LONRF1: variants seen among roughly 807,000 people sequenced by gnomAD.
LONRF1 encodes LON peptidase N-terminal domain and RING finger protein 1.
LONRF1 carries 37 observed loss-of-function variants against 85.8 expected under a neutral mutation model. The ratio of observed to expected loss-of-function variants is 0.43; its 90% CI spans 0.33 to 0.57. The LOEUF is 0.57. Among genes scored for constraint, LONRF1 ranks in the 20% least tolerant of loss-of-function variants. The pLI, the probability that LONRF1 is intolerant of heterozygous loss-of-function variation, is 0.04. For synonymous variants in LONRF1, 517 were observed against 390.1 expected (o/e 1.33, Z -3.83); for missense variants, 1,036 against 978.0 (o/e 1.06, Z -0.79).
At chr8:12,742,557 T>C (rs1206286062) in intron 2 of LONRF1, among the ~76,000 whole-genome samples, 1 of 152,182 alleles carries the variant, frequency 6.6e-6, no homozygotes, top group African/African-American at 2.4e-5. Flanking sequence ...ATAAATCTCA[T>C]TCAATGAAGT....
At chr8:12,744,240 T>A (rs1336559235) in intron 1 of LONRF1, among the ~76,000 whole-genome samples, 2 of 152,224 alleles carry the variant, frequency 1.3e-5, no homozygotes, top group Non-Finnish European at 2.9e-5. Context: ...AGTTTTTAGA[T>A]GATTGCTTTT....
chr8:12,740,805 A>G lies in LONRF1; in HGVS notation c.963+69T>C, dbSNP rs547768011. 1.4e-5 allele frequency: 21 copies of G among 1,528,990 alleles called. No homozygotes were observed. The African/African-American group carries it at 1.7e-4, about 12-fold the overall frequency. The allele number at this position is 1,528,990 out of a possible 1,614,324, so 94.7% of individuals were successfully genotyped here. On this transcript the variant is annotated intron_variant, in intron 3 of 11. Transcript: ENST00000398246. ...TTATGTTCTTATTCCAACTTTTATT[A>G]GCTTTTTTTTTTAAACCTGTCTGCC...
At chr8:12,748,222 A>G (rs1799241863) in intron 1 of LONRF1, among the ~76,000 whole-genome samples, 1 of 152,172 alleles carries the variant, frequency 6.6e-6, no homozygotes, top group African/African-American at 2.4e-5. Context: ...ATTTGAGAAA[A>G]GATCTAAGAT....
chr8:12,739,470 A>T (rs1426357061), intron 3 of LONRF1, among the ~76,000 whole-genome samples: 1 of 152,068 alleles, frequency 6.6e-6, no homozygotes, highest in African/African-American at 2.4e-5. Flanking sequence ...TGCCTCTAGG[A>T]GCAGGGGATG....
chr8:12,738,218 A>C, intron 3 of LONRF1, 74 bp from the exon 4 acceptor site: 1 of 998,624 alleles, frequency 1.0e-6, no homozygotes. Context: ...AAATTTACCT[A>C]ATAAAGAATA....
Position 12,743,265 on chromosome 8 carries a change from C to T in LONRF1, c.739G>A (p.Val247Ile). The T allele has an allele frequency of 6.3e-7, 1 of 1,599,270 alleles. No homozygotes were observed. Among genetic ancestry groups the T allele is most frequent in the Non-Finnish European group, 8.6e-7 (1 of 1,167,900 alleles). The change falls in exon 2 of 12, where the codon GTA (valine) becomes ATA (isoleucine). Residue 247 changes from valine (V) to isoleucine (I), a missense_variant. Val to Ile is a conservative substitution (Grantham distance 29, BLOSUM62 3). Transcript: ENST00000398246. ...ALRAEPSDLI[V>I]KIYRAESYAG... ...TATGATTCCGCTCTGTAAATTTTTA[C>T]AATCAAGTCACTGGGTTCTGAAATA...
In LONRF1 at chr8:12,755,442, C is replaced by A; in HGVS notation, c.-22G>T. ...ACATGGCCCGCGGAGGGCTGCGCCG[C>A]CGCCGCCCGCCGCCACGGTCCCGGA... On this transcript the variant is annotated 5_prime_UTR_variant, in exon 1 of 12. Transcript: ENST00000398246. The A allele has an allele frequency of 9.0e-7, 1 of 1,106,814 alleles. No individual in the cohort carries two copies. Among genetic ancestry groups the A allele is most frequent in the Non-Finnish European group, 1.1e-6 (1 of 906,244 alleles). 68.6% of individuals were successfully genotyped at this position (1,106,814 alleles called of 1,614,324 possible).
intron 6 of LONRF1, among the ~76,000 whole-genome samples, chr8:12,736,258 T>C (rs1354932680): frequency 2.6e-5 from 4 of 152,226 alleles, no homozygotes; most frequent in Non-Finnish European, 5.9e-5. Flanking sequence ...ATGGAAATCC[T>C]TATCCTTATG....
intron 1 of LONRF1, among the ~76,000 whole-genome samples, chr8:12,748,948 T>A (rs1038191084): frequency 6.6e-6 from 1 of 152,132 alleles, no homozygotes; most frequent in Non-Finnish European, 1.5e-5. Flanking sequence ...GATAGTAAGA[T>A]CATTAACACT....
At chr8:12,745,663 G>T (rs2117320888) in intron 1 of LONRF1, among the ~76,000 whole-genome samples, 1 of 152,254 alleles carries the variant, frequency 6.6e-6, no homozygotes, top group African/African-American at 2.4e-5. Flanking sequence ...ATTACTGCAG[G>T]TATCTGTATT....
At chr8:12,724,252 G>T (rs574423550) in intron 11 of LONRF1, among the ~76,000 whole-genome samples, 27 of 152,312 alleles carry the variant, frequency 1.8e-4, no homozygotes, top group Non-Finnish European at 3.7e-4. Flanking sequence ...AGCTGGAAGA[G>T]AAGCCATTAT....
chr8:12,735,628 A>G (rs1585235179), intron 6 of LONRF1: 1 of 483,044 alleles, frequency 2.1e-6, no homozygotes, highest in Non-Finnish European at 3.7e-6. Flanking sequence ...CCAAGGGCCT[A>G]GAGCTGTCCT....
intron 7 of LONRF1, among the ~76,000 whole-genome samples, chr8:12,733,699 T>C (rs551663036): frequency 2.6e-5 from 4 of 152,104 alleles, no homozygotes; most frequent in Admixed American, 1.3e-4. Flanking sequence ...AAACCTTATA[T>C]ATCCAACAAC....
intron 1 of LONRF1, chr8:12,753,708 G>C (rs959662949): frequency 6.6e-6 from 1 of 152,234 alleles, no homozygotes; most frequent in African/African-American, 2.4e-5. Context: ...TTACGTAAGA[G>C]AAGCTTGAAA....
intron 1 of LONRF1, chr8:12,753,294 A>G (rs555330095): frequency 6.6e-6 from 1 of 152,338 alleles, no homozygotes; most frequent in East Asian, 1.9e-4. Context: ...CTTGGGACAA[A>G]AGATGACCCG....
intron 2 of LONRF1, among the ~76,000 whole-genome samples, chr8:12,741,492 T>G (rs545902658): frequency 6.6e-6 from 1 of 152,286 alleles, no homozygotes; most frequent in South Asian, 2.1e-4. Flanking sequence ...ACAGGGGAAC[T>G]GAGGCCCAGA....
chr8:12,731,981 G>C, intron 7 of LONRF1, 124 bp from the exon 8 acceptor site: 2 of 894,166 alleles, frequency 2.2e-6, no homozygotes, highest in Non-Finnish European at 3.4e-6. Flanking sequence ...GGATTAATTA[G>C]TGAGGGGAAC....
intron 8 of LONRF1, among the ~76,000 whole-genome samples, chr8:12,729,626 AAG>A (rs964782130): frequency 2.4e-4 from 37 of 152,268 alleles, no homozygotes; most frequent in Middle Eastern, 3.4e-3. Context: ...TTTATGAATC[AAG>A]AGAATTTATT....
intron 4 of LONRF1, 123 bp downstream of exon 4, chr8:12,737,872 T>C (rs901514333): frequency 6.3e-6 from 6 of 955,728 alleles, no homozygotes; most frequent in Middle Eastern, 2.2e-4. Context: ...AATTCTACTA[T>C]GATAACTAAC....
Sources: gnomAD v4.1 joint callset for allele counts (sites outside exome capture counted in the v4.1 genomes callset) on GRCh38, gnomAD v4.1.1 for gene constraint, MANE v1.5 for transcripts, NCBI Gene and HGNC (gene_info 2026-07-23, HGNC 2026-07-21) for gene names.